STK32C: variants seen among roughly 807,000 people sequenced by gnomAD.
STK32C encodes serine/threonine-protein kinase 32C.
In STK32C, 31 loss-of-function variants were observed where a neutral mutation model predicts 56.5. The observed-to-expected ratio is 0.55, with a 90% CI of 0.41 to 0.74. The LOEUF (loss-of-function observed/expected upper bound fraction) is 0.74. STK32C is among the 30% of genes least tolerant of loss of function. The pLI, the probability that STK32C is intolerant of heterozygous loss-of-function variation, is 0.00. For synonymous variants in STK32C, 309 were observed against 289.4 expected, an observed-to-expected ratio of 1.07 and a Z score of -0.69; for missense variants, 544 against 676.9, an observed-to-expected ratio of 0.80 and a Z score of 2.18.
At chr10:132,218,157 A>T (rs1178838834) in intron 10 of STK32C, among the ~76,000 whole-genome samples, 3 of 151,926 alleles carry the variant, frequency 2.0e-5, no homozygotes, top group African/African-American at 4.8e-5. Flanking sequence ...CTACAACAAA[A>T]TTTTTTTCAA....
rs745402229 is a variant in STK32C, at chr10:132,224,518, G to C, written c.882C>G (p.Pro294=). The change falls in exon 8 of 12, where the codon CCC becomes CCG. Residue 294 remains proline (P), a synonymous_variant. Transcript: ENST00000298630. The part of the protein sequence containing the change: ...MAYELLRGWR[P]YDIHSSNAVE... ...CGGCGTTGCTGGAGTGGATGTCATA[G>C]GGCCTCTGGAGACAGGGAGGCAGTG... 8 of 1,591,952 alleles carry C rather than the reference G, an allele frequency of 5.0e-6. No individual in the cohort carries two copies. The highest frequency in any genetic ancestry group is 6.0e-6 in the Non-Finnish European group (7 of 1,170,142).
At chr10:132,253,066 C>T (rs2063963747) in intron 1 of STK32C, among the ~76,000 whole-genome samples, 1 of 152,228 alleles carries the variant, frequency 6.6e-6, no homozygotes, top group African/African-American at 2.4e-5. Context: ...AGCGCTAAGC[C>T]CAGCACCCAG....
intron 1 of STK32C, among the ~76,000 whole-genome samples, chr10:132,313,288 G>C (rs1215095040): frequency 6.6e-6 from 1 of 152,214 alleles, no homozygotes; most frequent in Non-Finnish European, 1.5e-5. Flanking sequence ...CCTTACAGCA[G>C]CTAACAAGCA....
intron 1 of STK32C, among the ~76,000 whole-genome samples, chr10:132,313,974 G>C (rs528397764): frequency 6.6e-6 from 1 of 152,290 alleles, no homozygotes; most frequent in East Asian, 1.9e-4. Context: ...TTTCCCACAA[G>C]AGTTCGCAGG....
intron 2 of STK32C, among the ~76,000 whole-genome samples, chr10:132,239,782 T>A (rs986001024): frequency 1.3e-5 from 2 of 152,166 alleles, no homozygotes; most frequent in Non-Finnish European, 2.9e-5. Context: ...TAGGGGGCTG[T>A]CATGTGAGGG....
intron 1 of STK32C, among the ~76,000 whole-genome samples, chr10:132,285,489 G>A (rs2065373064): frequency 6.6e-6 from 1 of 152,178 alleles, no homozygotes; most frequent in African/African-American, 2.4e-5. Context: ...AAAGACACAG[G>A]TTAAAAAGGA....
intron 1 of STK32C, among the ~76,000 whole-genome samples, chr10:132,299,608 C>T (rs1358114401): frequency 3.9e-5 from 6 of 152,248 alleles, no homozygotes; most frequent in African/African-American, 1.2e-4. Context: ...GAGGGAGCCA[C>T]GGTGGACATT....
upstream of STK32C, among the ~76,000 whole-genome samples, chr10:132,310,488 A>G (rs896450633): frequency 3.9e-5 from 6 of 152,190 alleles, no homozygotes; most frequent in African/African-American, 1.4e-4. The surrounding 1 kb of genome is among the most constrained non-coding windows in gnomAD (Gnocchi z 4.6). Flanking sequence ...TGCTGTCCCC[A>G]AGAGGATGCC....
intron 1 of STK32C, among the ~76,000 whole-genome samples, chr10:132,315,955 G>C (rs952239928): frequency 3.3e-5 from 5 of 152,068 alleles, no homozygotes; most frequent in Admixed American, 2.0e-4. Context: ...ATCAAATAAT[G>C]AATCACAAGG....
At position 132,251,554 on chromosome 10, in the gene STK32C, C is replaced by T. The variant is rs539798083; in HGVS notation, c.263-5599G>A. 6.6e-5 allele frequency among the ~76,000 whole-genome samples: 10 copies of T among 152,290 alleles called. No homozygotes were observed. The South Asian group carries it at 2.1e-3, about 32-fold the overall frequency. ...CATCTCTTTACCCCACCTCGCCCCA[C>T]ACTCAGCCCCTCAGGACTTGGGTGA... is the stretch of plus-strand genomic sequence containing the variant. On this transcript the variant is annotated intron_variant, in intron 1 of 11. Transcript: ENST00000298630.
chr10:132,236,532 G>A (rs1382506339), intron 2 of STK32C, among the ~76,000 whole-genome samples: 2 of 152,340 alleles, frequency 1.3e-5, no homozygotes, highest in South Asian at 2.1e-4. Flanking sequence ...TCGCGGGCTC[G>A]CTGCAGGACA....
chr10:132,263,462 A>C (rs935332236), intron 1 of STK32C, among the ~76,000 whole-genome samples: 2 of 152,128 alleles, frequency 1.3e-5, no homozygotes, highest in African/African-American at 4.8e-5. Context: ...GGAGGAGTCA[A>C]GGGTTGAAAA....
Position 132,207,854 on chromosome 10 carries a change from A to C in STK32C, c.*156T>G. On this transcript the variant is annotated 3_prime_UTR_variant, in exon 12 of 12. Transcript: ENST00000298630. ...CCCACAGCCTCTTGTCCCCTGCACC[A>C]CCACGAGCCTGAGGTGTGAAATGTG... 2 of 917,728 alleles carry C rather than the reference A, an allele frequency of 2.2e-6. No homozygotes were observed. Among genetic ancestry groups the C allele is most frequent in the Non-Finnish European group, 2.9e-6 (2 of 700,844 alleles). 56.8% of individuals were successfully genotyped at this position (917,728 alleles called of 1,614,324 possible).
intron 1 of STK32C, among the ~76,000 whole-genome samples, chr10:132,265,090 GTGCCTC>G (rs879877663): frequency 0.19 from 27,868 of 145,730 alleles, 4,348 homozygotes; most frequent in Non-Finnish European, 0.28. Context: ...GGCTCTGGGG[GTGCCTC>G]AAGGGCGGTG....
chr10:132,299,925 G>C (rs2065864744), intron 1 of STK32C, among the ~76,000 whole-genome samples: 1 of 152,246 alleles, frequency 6.6e-6, no homozygotes, highest in African/African-American at 2.4e-5. Context: ...ACGGGACCCA[G>C]GGCGCTGGCA....
chr10:132,296,378 G>A (rs1303930474), intron 1 of STK32C, among the ~76,000 whole-genome samples: 1 of 151,996 alleles, frequency 6.6e-6, no homozygotes, highest in Non-Finnish European at 1.5e-5. Flanking sequence ...TCACAACGAG[G>A]TATGGATACG....
chr10:132,288,645 AT>A (rs1260145706), intron 1 of STK32C, among the ~76,000 whole-genome samples: 1 of 152,260 alleles, frequency 6.6e-6, no homozygotes, highest in Non-Finnish European at 1.5e-5. Flanking sequence ...GATATTAAAA[AT>A]TAAACATATT....
intron 10 of STK32C, among the ~76,000 whole-genome samples, chr10:132,217,693 T>G (rs1173037453): frequency 6.6e-6 from 1 of 152,104 alleles, no homozygotes. Context: ...GCTGTTGTCA[T>G]GATAGTGAAT....
At position 132,237,166 on chromosome 10, in the gene STK32C, C is replaced by G. The variant is rs369302161; in HGVS notation, c.318+8734G>C. ...AAATGCCCACTCCTGCCCCTGGGCTCCCACTCCCTGACTGTGCTCCCTGGA... is the reference window on the plus strand; with the variant it reads ...AAATGCCCACTCCTGCCCCTGGGCTGCCACTCCCTGACTGTGCTCCCTGGA... On this transcript the variant is annotated intron_variant, in intron 2 of 11. Transcript: ENST00000298630. 4.6e-5 allele frequency among the ~76,000 whole-genome samples: 7 copies of G among 152,126 alleles called. No individual in the cohort carries two copies. The East Asian group carries it at 9.6e-4, about 21-fold the overall frequency.
Sources: allele counts gnomAD v4.1 joint callset (sites outside exome capture counted in the v4.1 genomes callset), GRCh38; gene constraint gnomAD v4.1.1; non-coding constraint Gnocchi (gnomAD v3.1); transcripts MANE v1.5; gene names NCBI Gene and HGNC (gene_info 2026-07-23, HGNC 2026-07-21).